HYAL4: variants seen among roughly 807,000 people sequenced by gnomAD.
HYAL4 encodes the protein hyaluronidase-4.
A neutral mutation model predicts 35.2 loss-of-function variants in HYAL4; 37 were observed. That is an observed-to-expected ratio of 1.05 (90% CI 0.81 to 1.38). The LOEUF is 1.38. HYAL4 is among the 40% of genes most tolerant of loss of function. HYAL4 has a pLI of 0.00. For synonymous variants in HYAL4, 198 were observed against 203.2 expected, an observed-to-expected ratio of 0.97 and a Z score of 0.22; for missense variants, 572 against 572.4, an observed-to-expected ratio of 1.00 and a Z score of 0.01.
chr7:123,795,537 A>G, the HYAL4 span, among the ~76,000 whole-genome samples: 1 of 152,174 alleles, frequency 6.6e-6, no homozygotes, highest in African/African-American at 2.4e-5. Flanking sequence ...TTCTCATGAT[A>G]GTGAGTTCTC....
At chr7:123,837,715 C>A (rs943568473) in intron 1 of HYAL4, among the ~76,000 whole-genome samples, 4 of 134,116 alleles carry the variant, frequency 3.0e-5, no homozygotes, top group African/African-American at 1.1e-4. Context: ...TGTGATGTTC[C>A]CCTTCCTGTG....
At chr7:123,837,716 C>T (rs1040684311) in intron 1 of HYAL4, among the ~76,000 whole-genome samples, 25 of 139,318 alleles carry the variant, frequency 1.8e-4, no homozygotes, top group Admixed American at 1.5e-3. Context: ...GTGATGTTCC[C>T]CTTCCTGTGT....
chr7:123,777,973 A>G, the HYAL4 span, among the ~76,000 whole-genome samples: 38,174 of 151,606 alleles, frequency 0.25, 5,138 homozygotes, highest in Middle Eastern at 0.35. Context: ...ATTGAGAGAA[A>G]TATTAACTGA....
chr7:123,868,754 G>C lies in HYAL4; in HGVS notation c.481G>C (p.Asp161His). ...PQWARNWNSK[D>H]VYRQKSRKLI... ...GTGGGCCCGGAACTGGAACTCAAAA[G>C]ATGTTTACAGACAGAAGTCAAGAAA... The change falls in exon 3 of 5, where the codon GAT becomes CAT. Residue 161 changes from aspartate (D) to histidine (H), a missense_variant. Asp to His is a moderately conservative substitution (Grantham distance 81). Transcript: ENST00000223026. 1 of 1,614,118 alleles carries C rather than the reference G, an allele frequency of 6.2e-7. No individual in the cohort carries two copies. The highest frequency in any genetic ancestry group is 8.5e-7 in the Non-Finnish European group (1 of 1,180,012).
chr7:123,819,278 A>G, the HYAL4 span: 1 of 152,588 alleles, frequency 6.6e-6, no homozygotes, highest in East Asian at 1.9e-4. Flanking sequence ...GAGTCTTATT[A>G]TTGCATTATC....
At chr7:123,808,482 A>G in the HYAL4 span, among the ~76,000 whole-genome samples, 1 of 148,838 alleles carries the variant, frequency 6.7e-6, no homozygotes, top group Non-Finnish European at 1.5e-5. Flanking sequence ...GGTTTAGACC[A>G]TCTCAGTAGG....
rs745604701 is a variant in HYAL4, at chr7:123,868,954, C to T, written c.681C>T (p.Asn227=). The change falls in exon 3 of 5, where the codon AAC becomes AAT. Residue 227 remains asparagine (N), a synonymous_variant. Coordinates refer to ENST00000223026, the MANE Select transcript of HYAL4 (RefSeq NM_012269.3). ...TATATCCTGATTGCCACAATTATAA[C>T]GTTTATGCCCCAAACTACTCTGGGT... ...YYLYPDCHNY[N]VYAPNYSGSC... 37 of 1,613,940 alleles carry T rather than the reference C, an allele frequency of 2.3e-5. No individual in the cohort carries two copies. Among genetic ancestry groups the T allele is most frequent in the South Asian group, 3.3e-5 (3 of 91,038 alleles).
the HYAL4 span, among the ~76,000 whole-genome samples, chr7:123,804,348 G>C: frequency 6.6e-6 from 1 of 150,824 alleles, no homozygotes; most frequent in African/African-American, 2.5e-5. Context: ...CTTTTGCCCT[G>C]ATTGTCCTCT....
At chr7:123,786,241 T>C in the HYAL4 span, among the ~76,000 whole-genome samples, 3 of 152,318 alleles carry the variant, frequency 2.0e-5, no homozygotes, top group African/African-American at 2.4e-5. Flanking sequence ...TTTTTATTAA[T>C]ATAATTTTTC....
the HYAL4 span, among the ~76,000 whole-genome samples, chr7:123,819,617 G>A: frequency 2.0e-5 from 3 of 152,182 alleles, no homozygotes; most frequent in African/African-American, 7.2e-5. Flanking sequence ...TAGTAGAAGG[G>A]TAGAAAGAGC....
intron 4 of HYAL4, among the ~76,000 whole-genome samples, chr7:123,876,381 G>C (rs1807024141): frequency 6.6e-6 from 1 of 152,204 alleles, no homozygotes; most frequent in Admixed American, 6.5e-5. Context: ...ATTTGGGTTT[G>C]TTCCTTTTCC....
intron 1 of HYAL4, among the ~76,000 whole-genome samples, chr7:123,835,685 T>C (rs1805953201): frequency 6.6e-6 from 1 of 152,322 alleles, no homozygotes; most frequent in South Asian, 2.1e-4. Context: ...CTATTTATGC[T>C]TTTTCAGACT....
At chr7:123,866,583 C>A (rs1162985416) in intron 2 of HYAL4, among the ~76,000 whole-genome samples, 1 of 152,140 alleles carries the variant, frequency 6.6e-6, no homozygotes, top group Non-Finnish European at 1.5e-5. Context: ...TCTCACTAGG[C>A]ATCAGGCATA....
the HYAL4 span, among the ~76,000 whole-genome samples, chr7:123,795,583 C>G: frequency 6.6e-6 from 1 of 152,098 alleles, no homozygotes; most frequent in African/African-American, 2.4e-5. Context: ...GCTTTCCCCC[C>G]TTTTGATCAA....
At chr7:123,839,734 A>G (rs1047350561) in intron 1 of HYAL4, among the ~76,000 whole-genome samples, 2 of 152,226 alleles carry the variant, frequency 1.3e-5, no homozygotes, top group African/African-American at 4.8e-5. Context: ...TCTGATGACC[A>G]GTGATGATGA....
At chr7:123,817,710 A>G in the HYAL4 span, among the ~76,000 whole-genome samples, 1 of 151,360 alleles carries the variant, frequency 6.6e-6, no homozygotes, top group South Asian at 2.1e-4. Flanking sequence ...GGGTTTCACC[A>G]TTTTGGTCAG....
chr7:123,858,941 T>C (rs1048885431), intron 2 of HYAL4, among the ~76,000 whole-genome samples: 3 of 152,124 alleles, frequency 2.0e-5, no homozygotes, highest in Non-Finnish European at 4.4e-5. Flanking sequence ...TTGGACGTAA[T>C]TCAAAGAAAG....
the HYAL4 span, among the ~76,000 whole-genome samples, chr7:123,815,676 T>C: frequency 1.3e-4 from 20 of 152,314 alleles, no homozygotes; most frequent in Admixed American, 1.0e-3. Context: ...ACATGGCAAG[T>C]GTCCAAACTT....
At chr7:123,794,913 A>G in the HYAL4 span, among the ~76,000 whole-genome samples, 5 of 152,320 alleles carry the variant, frequency 3.3e-5, no homozygotes, top group South Asian at 2.1e-4. Flanking sequence ...GATAGCTTGC[A>G]CTGTGTGCCT....
Sources: gnomAD v4.1 joint callset for allele counts (sites outside exome capture counted in the v4.1 genomes callset) on GRCh38, gnomAD v4.1.1 for gene constraint, MANE v1.5 for transcripts, NCBI Gene and HGNC (gene_info 2026-07-23, HGNC 2026-07-21) for gene names.